CNTNAP2: variants seen among roughly 807,000 people sequenced by gnomAD.
CNTNAP2 encodes the protein contactin associated protein 2.
A neutral mutation model predicts 155.2 loss-of-function variants in CNTNAP2; 98 were observed. The observed-to-expected ratio is 0.63, with a 90% CI of 0.54 to 0.75. The LOEUF is 0.75. Among genes scored for constraint, CNTNAP2 ranks in the 30% least tolerant of loss-of-function variants. CNTNAP2 has a pLI of 0.00. For missense variants in CNTNAP2, 1,727 were observed against 1,688.1 expected (o/e 1.02, Z -0.40); for synonymous variants, 651 against 631.2 (o/e 1.03, Z -0.47).
intron 1 of CNTNAP2, among the ~76,000 whole-genome samples, chr7:146,230,969 C>G (rs1003208964): frequency 2.6e-5 from 4 of 151,208 alleles, no homozygotes; most frequent in African/African-American, 9.8e-5. Context: ...GAGCTGAGAT[C>G]GTGCCACTGC....
chr7:148,055,120 G>A (rs1457088100), intron 15 of CNTNAP2, among the ~76,000 whole-genome samples: 1 of 152,058 alleles, frequency 6.6e-6, no homozygotes, highest in Non-Finnish European at 1.5e-5. Context: ...CTGACCTCAG[G>A]TGATCTGCCT....
At chr7:148,129,042 C>G (rs964281631) in intron 16 of CNTNAP2, among the ~76,000 whole-genome samples, 1 of 152,138 alleles carries the variant, frequency 6.6e-6, no homozygotes, top group Non-Finnish European at 1.5e-5. Context: ...GCCTTGGGCC[C>G]ACATCCTGGA....
chr7:146,459,393 A>G (rs1036006706), intron 1 of CNTNAP2, among the ~76,000 whole-genome samples: 4 of 152,158 alleles, frequency 2.6e-5, no homozygotes, highest in African/African-American at 9.7e-5. Flanking sequence ...GGTAGCTCCA[A>G]TTGCAAGAGT....
At chr7:146,953,776 G>T (rs1250146420) in intron 3 of CNTNAP2, among the ~76,000 whole-genome samples, 1 of 151,788 alleles carries the variant, frequency 6.6e-6, no homozygotes, top group Non-Finnish European at 1.5e-5. Flanking sequence ...AACAATTCCA[G>T]CTCTGTTATT....
chr7:146,149,590 A>G (rs1157221664), intron 1 of CNTNAP2, among the ~76,000 whole-genome samples: 1 of 152,152 alleles, frequency 6.6e-6, no homozygotes, highest in African/African-American at 2.4e-5. Context: ...GTCCAGAACT[A>G]GATCCACGCA....
intron 1 of CNTNAP2, among the ~76,000 whole-genome samples, chr7:146,475,553 T>C (rs1052738706): frequency 1.3e-5 from 2 of 152,110 alleles, no homozygotes; most frequent in African/African-American, 4.8e-5. Flanking sequence ...TTGGACAGGA[T>C]GGTATAATGA....
At chr7:147,676,274 TAGC>T (rs921051485) in intron 13 of CNTNAP2, among the ~76,000 whole-genome samples, 1 of 152,028 alleles carries the variant, frequency 6.6e-6, no homozygotes, top group Non-Finnish European at 1.5e-5. Flanking sequence ...GTGAAGTACT[TAGC>T]AGTTAGCATT....
intron 3 of CNTNAP2, chr7:146,963,033 G>A (rs577891887): frequency 6.6e-6 from 1 of 152,324 alleles, no homozygotes; most frequent in Admixed American, 6.5e-5. Context: ...AGGAGAAACA[G>A]TTAGTGTGCC....
chr7:147,739,572 G>A (rs1489244258), intron 13 of CNTNAP2, among the ~76,000 whole-genome samples: 1 of 151,760 alleles, frequency 6.6e-6, no homozygotes, highest in Non-Finnish European at 1.5e-5. Context: ...ATGGTTTGAG[G>A]CACACACACA....
chr7:146,556,252 G>A (rs909977853), intron 1 of CNTNAP2, among the ~76,000 whole-genome samples: 1 of 152,008 alleles, frequency 6.6e-6, no homozygotes, highest in Admixed American at 6.6e-5. Flanking sequence ...CTTAGAATAA[G>A]GAGAGGGCAG....
chr7:146,227,632 G>T (rs1460455734), intron 1 of CNTNAP2, among the ~76,000 whole-genome samples: 1 of 152,080 alleles, frequency 6.6e-6, no homozygotes, highest in African/African-American at 2.4e-5. Context: ...GGTGAGTAAT[G>T]AAAGAAAGTG....
chr7:147,410,650 C>A (rs992492538), intron 10 of CNTNAP2, among the ~76,000 whole-genome samples: 3 of 152,088 alleles, frequency 2.0e-5, no homozygotes, highest in African/African-American at 7.2e-5. Flanking sequence ...CAGCCACTAG[C>A]CATATGTGGC....
At chr7:146,554,378 C>G (rs1798166259) in intron 1 of CNTNAP2, among the ~76,000 whole-genome samples, 1 of 152,126 alleles carries the variant, frequency 6.6e-6, no homozygotes, top group Admixed American at 6.5e-5. Flanking sequence ...AAATATTTTG[C>G]TCCATAATAA....
intron 8 of CNTNAP2, among the ~76,000 whole-genome samples, chr7:147,158,639 T>C (rs980171080): frequency 6.6e-6 from 1 of 152,090 alleles, no homozygotes; most frequent in African/African-American, 2.4e-5. Flanking sequence ...TGTAGGTGTT[T>C]GTGTCTCAGA....
At chr7:147,605,016 A>G (rs1179203509) in intron 12 of CNTNAP2, among the ~76,000 whole-genome samples, 1 of 152,084 alleles carries the variant, frequency 6.6e-6, no homozygotes, top group Admixed American at 6.5e-5. Context: ...TTTGTCTGAT[A>G]CTCCATTTTT....
intron 13 of CNTNAP2, among the ~76,000 whole-genome samples, chr7:147,639,821 G>A (rs763681873): frequency 5.3e-5 from 8 of 152,230 alleles, no homozygotes; most frequent in Non-Finnish European, 1.0e-4. Flanking sequence ...GCATGTGCTA[G>A]TGTGTGTGTG....
At chr7:148,277,407 C>G (rs960565055) in intron 21 of CNTNAP2, among the ~76,000 whole-genome samples, 1 of 152,150 alleles carries the variant, frequency 6.6e-6, no homozygotes, top group African/African-American at 2.4e-5. Context: ...AGCCCTAAGT[C>G]TCTTTCGCAT....
intron 8 of CNTNAP2, among the ~76,000 whole-genome samples, chr7:147,243,285 C>T (rs112303479): frequency 1.1e-3 from 164 of 152,008 alleles, no homozygotes; most frequent in Non-Finnish European, 1.9e-3. Context: ...TGTGAGCCAC[C>T]GCACCCGGCC....
At chr7:146,273,766 C>T (rs1035053247) in intron 1 of CNTNAP2, among the ~76,000 whole-genome samples, 9 of 152,096 alleles carry the variant, frequency 5.9e-5, no homozygotes, top group African/African-American at 9.7e-5. Flanking sequence ...ATTTTAAGGA[C>T]GACCCTTTTA....
Sources: allele counts gnomAD v4.1 joint callset (sites outside exome capture counted in the v4.1 genomes callset), GRCh38; gene constraint gnomAD v4.1.1; transcripts MANE v1.5; gene names NCBI Gene and HGNC (gene_info 2026-07-23, HGNC 2026-07-21).